RAG1: variants seen among roughly 807,000 people sequenced by gnomAD.
The protein encoded by RAG1 is V(D)J recombination-activating protein 1.
In RAG1, 35 loss-of-function variants were observed where a neutral mutation model predicts 62.7. That is an observed-to-expected ratio of 0.56 (90% CI 0.43 to 0.74). The LOEUF is 0.74. RAG1 is among the 30% of genes least tolerant of loss of function. RAG1 has a pLI of 0.00. For synonymous variants in RAG1, 461 were observed against 470.3 expected (o/e 0.98, Z 0.26); for missense variants, 1,169 against 1,278.6 (o/e 0.91, Z 1.31).
At chr11:36,525,836 T>A (rs1486255777) in intron 2 of RAG1, among the ~76,000 whole-genome samples, 1 of 152,202 alleles carries the variant, frequency 6.6e-6, no homozygotes, top group East Asian at 1.9e-4. Context: ...TAGACAATCA[T>A]GTCATCTGCA....
In RAG1 at chr11:36,575,853, T is replaced by G. The variant is rs774757762; in HGVS notation, c.2549T>G (p.Met850Arg). 3 of 1,614,068 alleles carry G rather than the reference T, an allele frequency of 1.9e-6. No individual in the cohort carries two copies. The highest frequency in any genetic ancestry group is 2.2e-5 in the East Asian group (1 of 44,872). ...LRKKMNLKPI[M>R]RMNGNFARKL... ...AAGAAGATGAACCTCAAACCAATCATGAGGATGAATGGCAACTTTGCCAGG... is the reference window on the plus strand; with the variant it reads ...AAGAAGATGAACCTCAAACCAATCAGGAGGATGAATGGCAACTTTGCCAGG... Residue 850 changes from methionine (M) to arginine (R), a missense_variant, in exon 2 of 2, where the codon ATG becomes AGG. Around this residue, in one of 2 missense-constraint regions of RAG1, gnomAD observed 800 missense variants for 943.3 expected, o/e 0.85. Coordinates refer to ENST00000299440, the MANE Select transcript of RAG1 (RefSeq NM_000448.3). The surrounding 1 kb of genome is among the most constrained non-coding windows in gnomAD (Gnocchi z 4.1).
At chr11:36,533,062 G>A (rs1860278555) in intron 2 of RAG1, among the ~76,000 whole-genome samples, 1 of 152,102 alleles carries the variant, frequency 6.6e-6, no homozygotes, top group African/African-American at 2.4e-5. Flanking sequence ...GTTCTCAAGA[G>A]TAGCTGCAGA....
intron 3 of RAG1, among the ~76,000 whole-genome samples, chr11:36,543,677 C>T (rs187924758): frequency 3.9e-5 from 6 of 152,220 alleles, no homozygotes; most frequent in South Asian, 4.1e-4. Flanking sequence ...TGATAACATG[C>T]GGGAATAAAA....
intron 2 of RAG1, among the ~76,000 whole-genome samples, chr11:36,520,803 A>G (rs1367273899): frequency 6.6e-6 from 1 of 152,146 alleles, no homozygotes; most frequent in African/African-American, 2.4e-5. Flanking sequence ...GTTGATAGCT[A>G]TTGGTTATGG....
rs949374329 is a variant in RAG1, at chr11:36,574,732, C to T, written c.1428C>T (p.Asn476=). 1 of 1,614,122 alleles carries T rather than the reference C, an allele frequency of 6.2e-7. No individual in the cohort carries two copies. The highest frequency in any genetic ancestry group is 1.3e-5 in the African/African-American group (1 of 74,944). ...QPAVCLAIRV[N]TFLSCSQYHK... ...CTGTTTGCTTGGCCATCCGTGTCAA[C>T]ACCTTCCTCAGCTGCAGTCAGTACC... is the stretch of plus-strand genomic sequence containing the variant. Residue 476 remains asparagine, a synonymous_variant, in exon 2 of 2, where the codon AAC becomes AAT. Coordinates refer to ENST00000299440, the MANE Select transcript of RAG1 (RefSeq NM_000448.3).
At chr11:36,514,565 T>C (rs894090209) in intron 1 of RAG1, among the ~76,000 whole-genome samples, 5 of 152,214 alleles carry the variant, frequency 3.3e-5, no homozygotes, top group African/African-American at 1.2e-4. Context: ...CTCACCATAA[T>C]GTAGAATCAG....
intron 3 of RAG1, among the ~76,000 whole-genome samples, chr11:36,541,338 T>C (rs1860414740): frequency 6.6e-6 from 1 of 152,228 alleles, no homozygotes; most frequent in African/African-American, 2.4e-5. Context: ...TCTTTGGTGC[T>C]TCACAAAGTC....
rs1475530896 is a variant in RAG1, at chr11:36,578,448, T to C, written c.*2012T>C. 1 of 166,558 alleles carries C rather than the reference T, an allele frequency of 6.0e-6. No homozygotes were observed. Among genetic ancestry groups the C allele is most frequent in the Non-Finnish European group, 1.5e-5 (1 of 68,134 alleles). 10.3% of individuals were successfully genotyped at this position (166,558 alleles called of 1,614,324 possible). A position where few individuals can be genotyped will look rare whatever the true frequency, so the allele number is the denominator to read the frequency against. Reference sequence around the variant, plus strand: ...CATCCTGCTTAATCCTTCCAGCATGTCTCTGCACTAATAAACAGCTAAATT... The same window carrying C: ...CATCCTGCTTAATCCTTCCAGCATGCCTCTGCACTAATAAACAGCTAAATT... On this transcript the variant is annotated 3_prime_UTR_variant, in exon 2 of 2. Transcript: ENST00000299440.
Position 36,576,741 on chromosome 11 carries a change from GTCATGTAAA to G in RAG1, c.*309_*317del, listed in dbSNP as rs1199727201. On this transcript the variant is annotated 3_prime_UTR_variant, in exon 2 of 2. Transcript: ENST00000299440. ...AAAGATCTGTGTGTGTTGGGGAGCT[GTCATGTAAA>G]TCAAAGCCAAGGTTGTCAAAGAACA... is the stretch of plus-strand genomic sequence containing the variant. 1 of 362,044 alleles carries G rather than the reference GTCATGTAAA, an allele frequency of 2.8e-6. No homozygotes were observed. The highest frequency in any genetic ancestry group is 5.3e-6 in the Non-Finnish European group (1 of 188,130). The allele number at this position is 362,044 out of a possible 1,614,324, so 22.4% of individuals were successfully genotyped here.
intron 1 of RAG1, among the ~76,000 whole-genome samples, chr11:36,512,518 T>C (rs1859940314): frequency 6.6e-6 from 1 of 152,246 alleles, no homozygotes; most frequent in Admixed American, 6.5e-5. Context: ...AAAGTTCTAC[T>C]CCTGCTTCTG....
intron 2 of RAG1, among the ~76,000 whole-genome samples, chr11:36,521,996 A>G (rs1052849972): frequency 3.9e-5 from 6 of 152,168 alleles, no homozygotes; most frequent in African/African-American, 1.4e-4. Flanking sequence ...GGGTGCTGTT[A>G]AAGGCATTCA....
intron 2 of RAG1, chr11:36,520,270 T>G (rs1309890857): frequency 6.6e-6 from 1 of 152,252 alleles, no homozygotes; most frequent in East Asian, 1.9e-4. Context: ...GCTATTTATT[T>G]TTTAATTTTT....
upstream of RAG1, among the ~76,000 whole-genome samples, chr11:36,567,755 A>G (rs1850681378): frequency 1.3e-5 from 2 of 152,208 alleles, no homozygotes; most frequent in Non-Finnish European, 2.9e-5. Flanking sequence ...TGGGGCTTAT[A>G]CTGACTGACA....
chr11:36,515,483 C>A (rs1470277815), intron 1 of RAG1: 1 of 152,116 alleles, frequency 6.6e-6, no homozygotes, highest in Non-Finnish European at 1.5e-5. Flanking sequence ...GCCAAAGAAG[C>A]ACATGAAAGG....
chr11:36,513,986 T>C (rs937015280), intron 1 of RAG1, among the ~76,000 whole-genome samples: 1 of 152,186 alleles, frequency 6.6e-6, no homozygotes, highest in Non-Finnish European at 1.5e-5. Context: ...GGAATGTGCC[T>C]CCCTAGACTG....
Position 36,574,625 on chromosome 11 carries a change from G to T in RAG1, c.1321G>T (p.Ala441Ser), listed in dbSNP as rs1850809055. The T allele has an allele frequency of 6.2e-7, 1 of 1,614,220 alleles. No homozygotes were observed. Among genetic ancestry groups the T allele is most frequent in the Non-Finnish European group, 8.5e-7 (1 of 1,180,040 alleles). Reference protein sequence around the residue: ...KSVCMTLFLLALRARNEHRQA... With the variant: ...KSVCMTLFLLSLRARNEHRQA... ...CGTGTGCATGACCTTGTTCCTGCTG[G>T]CTCTGAGGGCGAGGAATGAGCACAG... Residue 441 changes from alanine (A) to serine (S), a missense_variant, in exon 2 of 2, where the codon GCT (alanine) becomes TCT (serine). Around this residue, in one of 2 missense-constraint regions of RAG1, gnomAD observed 800 missense variants for 943.3 expected, o/e 0.85. Transcript: ENST00000299440.
chr11:36,525,987 T>C (rs1265880807), intron 2 of RAG1, among the ~76,000 whole-genome samples: 1 of 152,232 alleles, frequency 6.6e-6, no homozygotes, highest in Non-Finnish European at 1.5e-5. Context: ...GTTAGAATGG[T>C]CGATTACATT....
chr11:36,536,907 T>C (rs912361709), downstream of RAG1, among the ~76,000 whole-genome samples: 32 of 148,936 alleles, frequency 2.1e-4, no homozygotes, highest in Non-Finnish European at 3.3e-4. Context: ...TACAGGCGCC[T>C]GCCACCACGC....
Position 36,574,047 on chromosome 11 carries a change from A to T in RAG1, c.743A>T (p.Gln248Leu), listed in dbSNP as rs1850794012. 6.2e-7 allele frequency: 1 copy of T among 1,614,206 alleles called. No homozygotes were observed. The highest frequency in any genetic ancestry group is 8.5e-7 in the Non-Finnish European group (1 of 1,180,036). ...TVLDQARQAR[Q>L]HKRRAQARIS... The stretch of plus-strand genomic sequence containing the variant: ...CTTGACCAAGCAAGACAAGCCCGTC[A>T]GCACAAGAGAAGAGCTCAGGCAAGG... The change falls in exon 2 of 2, where the codon CAG (glutamine) becomes CTG (leucine). Residue 248 changes from glutamine to leucine, a missense_variant. This residue lies in a region of RAG1 where 369 missense variants were observed against 335.3 expected (regional missense o/e 1.10). Coordinates refer to ENST00000299440, the MANE Select transcript of RAG1 (RefSeq NM_000448.3).
Sources: gnomAD v4.1 joint callset for allele counts (sites outside exome capture counted in the v4.1 genomes callset) on GRCh38, gnomAD v4.1.1 for gene constraint, gnomAD v4.1.1 regional missense constraint, Gnocchi (gnomAD v3.1) non-coding constraint, MANE v1.5 for transcripts, NCBI Gene and HGNC (gene_info 2026-07-23, HGNC 2026-07-21) for gene names.